Variants in IQGAP3 observed in about 807,000 individuals in gnomAD.
IQGAP3 encodes ras GTPase-activating-like protein IQGAP3.
IQGAP3 carries 165 observed loss-of-function variants against 208.2 expected under a neutral mutation model. The observed-to-expected ratio is 0.79, with a 90% CI of 0.70 to 0.90. The LOEUF is 0.90. IQGAP3 is among the 40% of genes least tolerant of loss of function. IQGAP3 has a pLI of 0.00. For missense variants in IQGAP3, 1,811 were observed against 2,043.1 expected, an observed-to-expected ratio of 0.89 and a Z score of 2.19; for synonymous variants, 703 against 803.6, an observed-to-expected ratio of 0.87 and a Z score of 2.12.
chr1:156,549,798 C>G (rs1352282225), intron 16 of IQGAP3, among the ~76,000 whole-genome samples: 1 of 152,164 alleles, frequency 6.6e-6, no homozygotes, highest in Non-Finnish European at 1.5e-5. Flanking sequence ...ACTAACACCA[C>G]CAGCACCAAA....
intron 32 of IQGAP3, among the ~76,000 whole-genome samples, chr1:156,532,256 G>A (rs1222427046): frequency 1.3e-5 from 2 of 151,876 alleles, no homozygotes; most frequent in Non-Finnish European, 2.9e-5. Context: ...ACATGATGGC[G>A]AGCACCTGTA....
At chr1:156,538,114 G>C (rs1432619832) in intron 26 of IQGAP3, among the ~76,000 whole-genome samples, 1 of 152,078 alleles carries the variant, frequency 6.6e-6, no homozygotes. Context: ...AGCCTGGAGT[G>C]CAGTGGCACG....
intron 34 of IQGAP3, 82 bp from the exon 35 acceptor site, chr1:156,529,164 C>T (rs1455907919): frequency 2.1e-6 from 3 of 1,436,816 alleles, no homozygotes; most frequent in East Asian, 2.3e-5. Context: ...CCAAGAGCTA[C>T]ACACTGTGAG....
chr1:156,534,980 A>G lies in IQGAP3; in HGVS notation c.3507+183T>C, dbSNP rs114677300. Among the ~76,000 whole-genome samples the G allele has an allele frequency of 6.5e-3, 987 of 152,326 alleles. 11 individuals are homozygous for G. The highest frequency in any genetic ancestry group is 0.023 in the African/African-American group (937 of 41,572). ...CCACTCTGTTCGCTCACACCCCAGC[A>G]TGAGCCATCTGCCACCTGAAGCCCT... On this transcript the variant is annotated intron_variant, in intron 28 of 37. Transcript: ENST00000361170.
At chr1:156,531,354 G>A (rs950520177) in intron 32 of IQGAP3, 107 bp from the exon 33 acceptor site, 2 of 812,730 alleles carry the variant, frequency 2.5e-6, no homozygotes, top group Non-Finnish European at 4.3e-6. Context: ...CTATAGCATG[G>A]CTGCTAGGAT....
intron 1 of IQGAP3, 64 bp downstream of exon 1, chr1:156,572,429 G>T: frequency 6.5e-7 from 1 of 1,540,584 alleles, no homozygotes; most frequent in Non-Finnish European, 8.9e-7. Flanking sequence ...TCTCTCCCGG[G>T]ACAGCCAAGC....
In IQGAP3 at chr1:156,540,772, T is replaced by G. The variant is rs746541276; in HGVS notation, c.2675A>C (p.Glu892Ala). The G allele has an allele frequency of 6.2e-7, 1 of 1,614,148 alleles. No individual in the cohort carries two copies. The highest frequency in any genetic ancestry group is 8.5e-7 in the Non-Finnish European group (1 of 1,180,012). ...VRKIRSNQQL[E>A]QDLNIMDIKI... is the part of the protein sequence containing the mutation. ...GATGTCCATGATGTTGAGGTCCTGC[T>G]CCAGCTGCTGATTGGATCGGATCTT... Residue 892 changes from glutamate to alanine, a missense_variant, in exon 23 of 38, where the codon GAG becomes GCG. By Grantham distance (107) the Glu-to-Ala change is moderately radical (BLOSUM62 -1). Transcript: ENST00000361170.
intron 27 of IQGAP3, 169 bp downstream of exon 27, chr1:156,537,012 G>A: frequency 1.6e-6 from 1 of 635,848 alleles, no homozygotes; most frequent in Non-Finnish European, 2.6e-6. Flanking sequence ...CTCTCTAGCA[G>A]GAGCTTCGAG....
intron 2 of IQGAP3, 129 bp downstream of exon 2, chr1:156,569,247 G>A: frequency 1.7e-6 from 1 of 598,122 alleles, no homozygotes; most frequent in Non-Finnish European, 3.0e-6. Context: ...AAATTAAAAA[G>A]CTATTTCAAC....
intron 19 of IQGAP3, among the ~76,000 whole-genome samples, chr1:156,546,958 G>A (rs566640615): frequency 2.6e-4 from 39 of 152,314 alleles, no homozygotes; most frequent in Non-Finnish European, 2.8e-4. Flanking sequence ...TTACTCACCC[G>A]TGGGCCTTGC....
chr1:156,528,642 C>G (rs1557914264), intron 35 of IQGAP3, 32 bp from the exon 36 acceptor site: 1 of 1,529,634 alleles, frequency 6.5e-7, no homozygotes, highest in Non-Finnish European at 9.0e-7. Flanking sequence ...AGAATTCATC[C>G]AATAAACACT....
chr1:156,539,431 C>G lies in IQGAP3; in HGVS notation c.2999G>C (p.Arg1000Pro). 6.2e-7 allele frequency: 1 copy of G among 1,614,072 alleles called. No homozygotes were observed. Among genetic ancestry groups the G allele is most frequent in the East Asian group, 2.2e-5 (1 of 44,882 alleles). ...IFSLYNYASSRREAYLLLQLF... is the reference protein window; with the variant it reads ...IFSLYNYASSPREAYLLLQLF... ...CTGGAGCAGGAGATAGGCCTCTCGG[C>G]GGCTGGAGGCATAGTTGTACAGGCT... is the stretch of plus-strand genomic sequence containing the variant. The change falls in exon 25 of 38, where the codon CGC becomes CCC. Residue 1000 changes from arginine (R) to proline (P), a missense_variant. By Grantham distance (103) the Arg-to-Pro change is moderately radical (BLOSUM62 -2). Transcript: ENST00000361170.
intron 1 of IQGAP3, among the ~76,000 whole-genome samples, chr1:156,571,955 C>T (rs6695955): frequency 0.061 from 9,317 of 152,294 alleles, 992 homozygotes; most frequent in African/African-American, 0.21. Context: ...AGAAGCACAG[C>T]AGTGCTTGTT....
Position 156,528,898 on chromosome 1 carries a change from C to T in IQGAP3, c.4571+18G>A, listed in dbSNP as rs200194524. On this transcript the variant is annotated intron_variant, in intron 35 of 37. Transcript: ENST00000361170. ...GAAGTCACTCGTAACCTTCCAAGTA[C>T]GGGAAAGCAGCACCTACTTGGAGTC... 34 of 1,613,766 alleles carry T rather than the reference C, an allele frequency of 2.1e-5. No individual in the cohort carries two copies. Among genetic ancestry groups the T allele is most frequent in the South Asian group, 1.2e-4 (11 of 91,060 alleles).
At chr1:156,565,760 T>C (rs1184511077) in intron 4 of IQGAP3, among the ~76,000 whole-genome samples, 3 of 152,134 alleles carry the variant, frequency 2.0e-5, no homozygotes, top group African/African-American at 7.2e-5. Flanking sequence ...GAGCATGACA[T>C]AGCAGCCTCC....
intron 19 of IQGAP3, among the ~76,000 whole-genome samples, chr1:156,546,093 C>T (rs1217269514): frequency 6.6e-6 from 1 of 152,140 alleles, no homozygotes; most frequent in Non-Finnish European, 1.5e-5. Context: ...CTTTCCTTTC[C>T]TCCTCCAGGT....
chr1:156,553,845 T>C (rs529567442), intron 13 of IQGAP3, among the ~76,000 whole-genome samples: 15 of 152,360 alleles, frequency 9.8e-5, no homozygotes, highest in Admixed American at 9.1e-4. Flanking sequence ...CCTCCCAAAG[T>C]GCTGGGATTA....
intron 12 of IQGAP3, 115 bp from the exon 13 acceptor site, chr1:156,554,507 A>G (rs1675733007): frequency 1.0e-6 from 1 of 976,602 alleles, no homozygotes; most frequent in Non-Finnish European, 1.5e-6. Flanking sequence ...CCAAAACCCC[A>G]GTGGCCTGAT....
chr1:156,535,170 A>T lies in IQGAP3; in HGVS notation c.3500T>A (p.Val1167Asp). ...EKFPDATDSEVYKVVGNLLYY... is the reference protein window; with the variant it reads ...EKFPDATDSEDYKVVGNLLYY... ...TGGGGAGACAACACTTGCCTTATAG[A>T]CCTCGCTGTCTGTGGCGTCAGGGAA... is the stretch of plus-strand genomic sequence containing the variant. The change falls in exon 28 of 38, where the codon GTC becomes GAC. Residue 1167 changes from valine (V) to aspartate (D), a missense_variant. Physicochemically the swap from Val to Asp is radical, Grantham distance 152. Transcript: ENST00000361170. 1 of 1,612,822 alleles carries T rather than the reference A, an allele frequency of 6.2e-7. No homozygotes were observed. The highest frequency in any genetic ancestry group is 1.7e-5 in the Admixed American group (1 of 59,938).
Sources: gnomAD v4.1 joint callset for allele counts (sites outside exome capture counted in the v4.1 genomes callset) on GRCh38, gnomAD v4.1.1 for gene constraint, MANE v1.5 for transcripts, NCBI Gene and HGNC (gene_info 2026-07-23, HGNC 2026-07-21) for gene names.